SLC17A6: variants seen among roughly 807,000 people sequenced by gnomAD.
SLC17A6 encodes the protein vesicular glutamate transporter 2.
SLC17A6 carries 35 observed loss-of-function variants against 67.1 expected under a neutral mutation model. The observed-to-expected ratio is 0.52, with a 90% CI of 0.40 to 0.69. The LOEUF (loss-of-function observed/expected upper bound fraction) is 0.69, where lower values mean the gene tolerates loss of function less well. Ranked by LOEUF, SLC17A6 falls within the 30% of genes least tolerant of loss-of-function variation. The probability of loss-of-function intolerance (pLI) is 0.00; values close to 1 mark genes in which losing one functional copy is unlikely to be tolerated. For synonymous variants in SLC17A6, 285 were observed against 252.3 expected (o/e 1.13, Z -1.23); for missense variants, 588 against 723.9 (o/e 0.81, Z 2.15).
intron 2 of SLC17A6, 54 bp from the exon 3 acceptor site, chr11:22,343,193 C>A: frequency 6.9e-7 from 1 of 1,452,106 alleles, no homozygotes; most frequent in South Asian, 1.1e-5. Context: ...GAAAGTGAGC[C>A]TTTGGTACTG....
intron 6 of SLC17A6, among the ~76,000 whole-genome samples, chr11:22,363,810 A>G (rs1856078624): frequency 6.6e-6 from 1 of 152,138 alleles, no homozygotes; most frequent in Admixed American, 6.5e-5. Flanking sequence ...TTTTTTAAAA[A>G]TCAGATTTTA....
At chr11:22,359,000 C>T (rs1332740819) in intron 3 of SLC17A6, among the ~76,000 whole-genome samples, 1 of 152,154 alleles carries the variant, frequency 6.6e-6, no homozygotes, top group African/African-American at 2.4e-5. Context: ...TCAGTTATTA[C>T]CAACTGTGTG....
chr11:22,350,006 A>G (rs950677390), intron 3 of SLC17A6, among the ~76,000 whole-genome samples: 1 of 152,166 alleles, frequency 6.6e-6, no homozygotes, highest in Non-Finnish European at 1.5e-5. Context: ...AATGAACATC[A>G]TCTGTAGAAG....
chr11:22,360,977 C>T lies in SLC17A6; in HGVS notation c.654C>T (p.Ser218=). Residue 218 remains serine, a synonymous_variant, in exon 5 of 12, where the codon TCC becomes TCT. Transcript: ENST00000263160. Reference sequence around the variant, plus strand: ...AGAGGAGTAGACTGGCAACCACCTCCTTTTGTGGTGAGTACTGTGTGCAGA... The same window carrying T: ...AGAGGAGTAGACTGGCAACCACCTCTTTTTGTGGTGAGTACTGTGTGCAGA... ...PLERSRLATT[S]FCGSYAGAVI... is the part of the protein sequence containing the mutation. 6.2e-7 allele frequency: 1 copy of T among 1,613,630 alleles called. No homozygotes were observed. Among genetic ancestry groups the T allele is most frequent in the Non-Finnish European group, 8.5e-7 (1 of 1,179,682 alleles).
At chr11:22,376,855 A>G (rs1856237719) in intron 11 of SLC17A6, among the ~76,000 whole-genome samples, 183 bp downstream of exon 11, 1 of 152,154 alleles carries the variant, frequency 6.6e-6, no homozygotes. Flanking sequence ...AAGAAAGTCC[A>G]TTTCCCTAAC....
At chr11:22,367,635 A>G (rs1348897349) in intron 7 of SLC17A6, among the ~76,000 whole-genome samples, 2 of 152,194 alleles carry the variant, frequency 1.3e-5, no homozygotes, top group African/African-American at 4.8e-5. Context: ...CCTATATCCT[A>G]TTAATTCATT....
intron 3 of SLC17A6, among the ~76,000 whole-genome samples, chr11:22,345,874 T>C (rs1855870172): frequency 6.6e-6 from 1 of 152,196 alleles, no homozygotes; most frequent in Admixed American, 6.5e-5. Flanking sequence ...ACCCCTATTA[T>C]TAACATGGTG....
At chr11:22,341,941 G>A (rs1457707111) in intron 2 of SLC17A6, among the ~76,000 whole-genome samples, 161 bp downstream of exon 2, 2 of 152,192 alleles carry the variant, frequency 1.3e-5, no homozygotes, top group Admixed American at 6.5e-5. Context: ...CCCCAGTAGT[G>A]TTATCAGTTC....
rs764989903 is a variant in SLC17A6, at chr11:22,379,019, A to G, written c.*1279A>G. On this transcript the variant is annotated 3_prime_UTR_variant, in exon 12 of 12. Coordinates refer to ENST00000263160, the MANE Select transcript of SLC17A6 (RefSeq NM_020346.3). ...GAGGCATTTTGCTTGTCATTTCTTA[A>G]TATAACTCAACAAGAATTGCAACAT... 6.6e-6 allele frequency: 1 copy of G among 152,578 alleles called. No individual in the cohort carries two copies. Among genetic ancestry groups the G allele is most frequent in the Non-Finnish European group, 1.5e-5 (1 of 67,994 alleles). 9.5% of individuals were successfully genotyped at this position (152,578 alleles called of 1,614,324 possible).
intron 3 of SLC17A6, among the ~76,000 whole-genome samples, chr11:22,357,335 T>C (rs1181325123): frequency 6.6e-6 from 1 of 152,232 alleles, no homozygotes; most frequent in African/African-American, 2.4e-5. Flanking sequence ...TCATTAAATT[T>C]AGCTCTGACT....
chr11:22,370,220 G>T, intron 8 of SLC17A6, 32 bp downstream of exon 8: 1 of 1,554,058 alleles, frequency 6.4e-7, no homozygotes, highest in South Asian at 1.2e-5. Flanking sequence ...ATAAATTGTG[G>T]ATTACCTGTG....
intron 9 of SLC17A6, among the ~76,000 whole-genome samples, chr11:22,375,405 G>A (rs1856221748): frequency 1.3e-5 from 2 of 151,822 alleles, no homozygotes; most frequent in Admixed American, 1.3e-4. Flanking sequence ...AAATAATAAT[G>A]CCATTTGTAT....
chr11:22,353,418 C>T (rs921166), intron 3 of SLC17A6, among the ~76,000 whole-genome samples: 63,903 of 151,854 alleles, frequency 0.42, 16,515 homozygotes, highest in African/African-American at 0.72. Flanking sequence ...TATTTAAATG[C>T]CTACAAGGAA....
Position 22,374,737 on chromosome 11 carries a change from C to G in SLC17A6, c.1042-18C>G. The stretch of plus-strand genomic sequence containing the variant: ...TTTATGGTTATGTCTATTTCTCTCC[C>G]TTCTTGTTTTTCATCAGGTTGGTAT... On this transcript the variant is annotated intron_variant, in intron 8 of 11. Coordinates refer to ENST00000263160, the MANE Select transcript of SLC17A6 (RefSeq NM_020346.3). 1 of 1,572,666 alleles carries G rather than the reference C, an allele frequency of 6.4e-7. No homozygotes were observed. Among genetic ancestry groups the G allele is most frequent in the Non-Finnish European group, 8.6e-7 (1 of 1,161,334 alleles).
intron 4 of SLC17A6, 73 bp from the exon 5 acceptor site, chr11:22,360,824 G>A (rs528810688): frequency 3.1e-6 from 4 of 1,290,394 alleles, no homozygotes; most frequent in Non-Finnish European, 4.4e-6. Flanking sequence ...AGGGCAGGGA[G>A]GATTTGTACA....
At position 22,341,522 on chromosome 11, in the gene SLC17A6, G is replaced by A; in HGVS notation, c.87-6G>A. On this transcript the variant is annotated splice_polypyrimidine_tract_variant and splice_region_variant and intron_variant, in intron 1 of 11. Transcript: ENST00000263160. ...GTCCTTGACTCGCCCCTGCTCTGCC[G>A]CGCAGGGTGCTGGAGAAGAAGCAAG... 2 of 1,612,418 alleles carry A rather than the reference G, an allele frequency of 1.2e-6. No individual in the cohort carries two copies. Among genetic ancestry groups the A allele is most frequent in the Non-Finnish European group, 1.7e-6 (2 of 1,179,484 alleles).
At chr11:22,339,450 A>C (rs530148923) in intron 1 of SLC17A6, among the ~76,000 whole-genome samples, 3 of 152,070 alleles carry the variant, frequency 2.0e-5, no homozygotes, top group Non-Finnish European at 4.4e-5. Context: ...TATAACAAGC[A>C]ACATTACTTT....
intron 6 of SLC17A6, among the ~76,000 whole-genome samples, chr11:22,365,301 T>G (rs1211971159): frequency 1.3e-5 from 2 of 152,182 alleles, no homozygotes; most frequent in Non-Finnish European, 2.9e-5. Context: ...CTAATAATTA[T>G]TTATGGCTTA....
At chr11:22,373,185 A>G (rs750975016) in intron 8 of SLC17A6, among the ~76,000 whole-genome samples, 7 of 152,308 alleles carry the variant, frequency 4.6e-5, no homozygotes, top group Middle Eastern at 3.4e-3. Context: ...ATTTTCAATT[A>G]AAAAACTTTT....
Sources: gnomAD v4.1 joint callset for allele counts (sites outside exome capture counted in the v4.1 genomes callset) on GRCh38, gnomAD v4.1.1 for gene constraint, MANE v1.5 for transcripts, NCBI Gene and HGNC (gene_info 2026-07-23, HGNC 2026-07-21) for gene names.